Variants in FTO observed in about 807,000 individuals in gnomAD.
The protein encoded by FTO is alpha-ketoglutarate-dependent dioxygenase FTO.
In FTO, 47 loss-of-function variants were observed where a neutral mutation model predicts 63.9. The ratio of observed to expected loss-of-function variants is 0.74; its 90% CI spans 0.58 to 0.94. The LOEUF is 0.94. Among genes scored for constraint, FTO ranks in the 40% least tolerant of loss-of-function variants. FTO has a pLI of 0.00. For synonymous variants in FTO, 207 were observed against 224.4 expected, an observed-to-expected ratio of 0.92 and a Z score of 0.69; for missense variants, 562 against 618.1, an observed-to-expected ratio of 0.91 and a Z score of 0.96.
chr16:53,821,639 T>G (rs2078867919), intron 2 of FTO, among the ~76,000 whole-genome samples: 1 of 152,172 alleles, frequency 6.6e-6, no homozygotes, highest in South Asian at 2.1e-4. Context: ...GGTCAACACC[T>G]CAGATAGGCA....
intron 1 of FTO, among the ~76,000 whole-genome samples, chr16:53,767,321 G>C (rs985704959): frequency 3.9e-5 from 6 of 152,090 alleles, no homozygotes; most frequent in Admixed American, 2.0e-4. Context: ...ACACTGTTTA[G>C]AATTATTTTC....
chr16:53,715,967 A>G (rs946912946), intron 1 of FTO, among the ~76,000 whole-genome samples: 1 of 152,176 alleles, frequency 6.6e-6, no homozygotes, highest in Non-Finnish European at 1.5e-5. Context: ...AATCTTTGCT[A>G]TTGAGGACCT....
At chr16:54,028,722 A>C (rs1395888040) in intron 8 of FTO, among the ~76,000 whole-genome samples, 1 of 152,182 alleles carries the variant, frequency 6.6e-6, no homozygotes, top group Non-Finnish European at 1.5e-5. Flanking sequence ...TATACACTAT[A>C]TACAGTATTT....
At chr16:53,857,535 A>G (rs1365105145) in intron 4 of FTO, among the ~76,000 whole-genome samples, 1 of 151,748 alleles carries the variant, frequency 6.6e-6, no homozygotes, top group Non-Finnish European at 1.5e-5. Flanking sequence ...TGAGTCCACA[A>G]GGGCATACCT....
At chr16:53,774,504 G>A (rs978313392) in intron 1 of FTO, among the ~76,000 whole-genome samples, 1 of 151,938 alleles carries the variant, frequency 6.6e-6, no homozygotes, top group Non-Finnish European at 1.5e-5. Flanking sequence ...CTGTGGCCTG[G>A]CTCTGTTTCT....
At chr16:53,803,525 A>G (rs922310244) in intron 1 of FTO, among the ~76,000 whole-genome samples, 3 of 152,246 alleles carry the variant, frequency 2.0e-5, no homozygotes, top group Admixed American at 2.0e-4. Context: ...ATTTATAAGT[A>G]GGATTGATTT....
intron 1 of FTO, among the ~76,000 whole-genome samples, chr16:53,723,875 C>T (rs2076093781): frequency 6.6e-6 from 1 of 152,182 alleles, no homozygotes; most frequent in Non-Finnish European, 1.5e-5. Context: ...AGTTCCTACT[C>T]ACCTCCACTG....
chr16:54,069,253 A>G (rs528615531), intron 8 of FTO, among the ~76,000 whole-genome samples: 93 of 152,270 alleles, frequency 6.1e-4, no homozygotes, highest in Admixed American at 3.2e-3. Context: ...TTCAGTTCTC[A>G]GCCAGCTGGG....
chr16:53,803,356 A>AT (rs1192662131), intron 1 of FTO, among the ~76,000 whole-genome samples: 2 of 152,222 alleles, frequency 1.3e-5, no homozygotes, highest in East Asian at 1.9e-4. Flanking sequence ...TCCAGGCTAG[A>AT]TTTTTTTGTA....
intron 8 of FTO, among the ~76,000 whole-genome samples, chr16:54,016,235 T>A (rs1333867781): frequency 4.0e-5 from 6 of 151,054 alleles, no homozygotes; most frequent in African/African-American, 1.5e-4. Flanking sequence ...TACAGTTGTC[T>A]GCCAACATGA....
intron 8 of FTO, among the ~76,000 whole-genome samples, chr16:54,088,708 A>G (rs1162993572): frequency 6.6e-6 from 1 of 152,244 alleles, no homozygotes; most frequent in Non-Finnish European, 1.5e-5. Flanking sequence ...AAAGGTTGTT[A>G]TGAAAGGAAA....
At chr16:53,727,471 T>A (rs2076178637) in intron 1 of FTO, among the ~76,000 whole-genome samples, 1 of 152,240 alleles carries the variant, frequency 6.6e-6, no homozygotes, top group Non-Finnish European at 1.5e-5. Context: ...GGGTTCAAAC[T>A]GGAATTTTAA....
At chr16:53,837,679 G>T (rs2079341547) in intron 3 of FTO, among the ~76,000 whole-genome samples, 1 of 152,062 alleles carries the variant, frequency 6.6e-6, no homozygotes, top group Non-Finnish European at 1.5e-5. Context: ...CTTCTCCTTG[G>T]CTAATCTTTC....
intron 1 of FTO, among the ~76,000 whole-genome samples, chr16:53,752,671 T>C (rs2076826617): frequency 6.6e-6 from 1 of 152,172 alleles, no homozygotes; most frequent in African/African-American, 2.4e-5. Context: ...CAATTCACCC[T>C]CCAACCACTA....
At chr16:53,900,719 A>G (rs912652633) in intron 7 of FTO, among the ~76,000 whole-genome samples, 2 of 147,068 alleles carry the variant, frequency 1.4e-5, no homozygotes, top group Non-Finnish European at 3.0e-5. Context: ...AATTCAGAGG[A>G]AGAAAAAGGA....
chr16:54,078,517 A>G (rs548476601), intron 8 of FTO, among the ~76,000 whole-genome samples: 2 of 152,014 alleles, frequency 1.3e-5, no homozygotes, highest in Non-Finnish European at 2.9e-5. Flanking sequence ...TCTCAGTTAC[A>G]CAGTCAGCTG....
intron 1 of FTO, among the ~76,000 whole-genome samples, chr16:53,775,928 C>T (rs938934587): frequency 1.2e-4 from 18 of 152,074 alleles, no homozygotes; most frequent in African/African-American, 4.3e-4. Context: ...TATATACTCT[C>T]CGCTCCTTTT....
intron 8 of FTO, among the ~76,000 whole-genome samples, chr16:53,941,038 C>A (rs116862921): frequency 9.8e-5 from 15 of 152,290 alleles, no homozygotes; most frequent in Admixed American, 5.2e-4. Context: ...CGGGGCTCAA[C>A]AAGTATAACA....
chr16:54,108,868 T>C (rs891267280), intron 8 of FTO, among the ~76,000 whole-genome samples: 5 of 152,154 alleles, frequency 3.3e-5, no homozygotes, highest in African/African-American at 1.2e-4. Flanking sequence ...AACACACTCT[T>C]TACCACCATG....
Sources: allele counts gnomAD v4.1 joint callset (sites outside exome capture counted in the v4.1 genomes callset), GRCh38; gene constraint gnomAD v4.1.1; transcripts MANE v1.5; gene names NCBI Gene and HGNC (gene_info 2026-07-23, HGNC 2026-07-21).